Variants in CNNM2 observed in about 807,000 individuals in gnomAD.
The protein encoded by CNNM2 is metal transporter CNNM2.
CNNM2 carries 12 observed loss-of-function variants against 66.9 expected under a neutral mutation model. The ratio of observed to expected loss-of-function variants is 0.18; its 90% CI spans 0.11 to 0.29. The LOEUF (loss-of-function observed/expected upper bound fraction) is 0.29. CNNM2 is among the 10% of genes least tolerant of loss of function. CNNM2 has a pLI of 1.00. For missense variants in CNNM2, 705 were observed against 1,167.7 expected (o/e 0.60, Z 5.77); for synonymous variants, 557 against 501.8 (o/e 1.11, Z -1.47).
At chr10:102,961,069 G>A (rs1401358966) in intron 1 of CNNM2, among the ~76,000 whole-genome samples, 10 of 151,680 alleles carry the variant, frequency 6.6e-5, no homozygotes, top group Non-Finnish European at 8.8e-5. Context: ...GTAGATACGG[G>A]GTTTCACCGT....
At chr10:102,992,517 T>G (rs1197302055) in intron 1 of CNNM2, among the ~76,000 whole-genome samples, 3 of 151,890 alleles carry the variant, frequency 2.0e-5, no homozygotes, top group African/African-American at 7.2e-5. Flanking sequence ...GAAGTGATCC[T>G]CCCACCTCGG....
intron 1 of CNNM2, among the ~76,000 whole-genome samples, chr10:103,020,180 A>T (rs2064544920): frequency 6.6e-6 from 1 of 151,180 alleles, no homozygotes; most frequent in South Asian, 2.1e-4. Context: ...TCTGAGACAG[A>T]GGCTTGCTCT....
chr10:102,990,246 G>A (rs1311289408), intron 1 of CNNM2, among the ~76,000 whole-genome samples: 2 of 152,028 alleles, frequency 1.3e-5, no homozygotes, highest in Admixed American at 6.5e-5. Context: ...GATTACAGGT[G>A]TGAGCCACCG....
intron 1 of CNNM2, among the ~76,000 whole-genome samples, chr10:102,929,872 G>C (rs1409973357): frequency 1.3e-5 from 2 of 152,134 alleles, no homozygotes; most frequent in African/African-American, 4.8e-5. Flanking sequence ...GATCAAAAAA[G>C]ATAAAATATT....
At chr10:103,044,860 CA>C (rs2065102287) in intron 1 of CNNM2, among the ~76,000 whole-genome samples, 1 of 152,210 alleles carries the variant, frequency 6.6e-6, no homozygotes, top group Non-Finnish European at 1.5e-5. Flanking sequence ...GCCTAATTCA[CA>C]GGAATAATTT....
In CNNM2 at chr10:103,084,945, A is replaced by G. The variant is rs2065790045; in HGVS notation, c.*7765A>G. The stretch of plus-strand genomic sequence containing the variant: ...AGTTGAATTCTATTAGGTGGATAAT[A>G]AACTCTTTTGCTTTCTTTGTATGGT... On this transcript the variant is annotated 3_prime_UTR_variant, in exon 8 of 8. Coordinates refer to ENST00000369878, the MANE Select transcript of CNNM2 (RefSeq NM_017649.5). 6.6e-6 allele frequency: 1 copy of G among 152,174 alleles called. No individual in the cohort carries two copies. Among genetic ancestry groups the G allele is most frequent in the African/African-American group, 2.4e-5 (1 of 41,436 alleles). The allele number at this position is 152,174 out of a possible 1,614,324, so 9.4% of individuals were successfully genotyped here.
chr10:103,067,112 T>A (rs985474866), intron 4 of CNNM2, among the ~76,000 whole-genome samples: 10 of 151,802 alleles, frequency 6.6e-5, no homozygotes, highest in African/African-American at 2.4e-4. Flanking sequence ...TTTTTTTTTT[T>A]CTTTGAGACA....
At chr10:102,954,658 G>T (rs1382858680) in intron 1 of CNNM2, among the ~76,000 whole-genome samples, 1 of 152,084 alleles carries the variant, frequency 6.6e-6, no homozygotes, top group Non-Finnish European at 1.5e-5. Flanking sequence ...TGCAATCCAG[G>T]TCCAGGAATT....
chr10:102,958,353 A>G (rs1847124935), intron 1 of CNNM2, among the ~76,000 whole-genome samples: 1 of 150,622 alleles, frequency 6.6e-6, no homozygotes, highest in African/African-American at 2.4e-5. Flanking sequence ...AGTGAATATG[A>G]TTTGAAGTTG....
chr10:103,002,810 T>C (rs915093940), intron 1 of CNNM2, among the ~76,000 whole-genome samples: 3 of 152,086 alleles, frequency 2.0e-5, no homozygotes, highest in Non-Finnish European at 2.9e-5. Context: ...GTGGAGGTAA[T>C]GTGGAATGGT....
At chr10:103,059,765 T>C (rs900167968) in intron 4 of CNNM2, among the ~76,000 whole-genome samples, 1 of 152,120 alleles carries the variant, frequency 6.6e-6, no homozygotes, top group African/African-American at 2.4e-5. Context: ...AAAAAAGTCA[T>C]AGTTTTAAAC....
chr10:103,068,846 TG>T (rs1394410437), intron 5 of CNNM2, 124 bp downstream of exon 5: 10 of 691,606 alleles, frequency 1.4e-5, no homozygotes, highest in East Asian at 1.1e-4. Context: ...ACTTTTTTTT[TG>T]AAGTATATCA....
chr10:102,928,416 A>G (rs1845950100), intron 1 of CNNM2, among the ~76,000 whole-genome samples: 1 of 151,968 alleles, frequency 6.6e-6, no homozygotes, highest in Non-Finnish European at 1.5e-5. Context: ...CCCTGTCTCT[A>G]CTAAAAACAC....
chr10:102,943,633 A>G (rs1846507426), intron 1 of CNNM2, among the ~76,000 whole-genome samples: 1 of 152,228 alleles, frequency 6.6e-6, no homozygotes, highest in South Asian at 2.1e-4. Context: ...CTACTACTGT[A>G]TGGAATCCAG....
intron 1 of CNNM2, among the ~76,000 whole-genome samples, chr10:102,972,593 G>A (rs1445024917): frequency 1.3e-5 from 2 of 152,188 alleles, no homozygotes; most frequent in African/African-American, 2.4e-5. Flanking sequence ...CTGAGATCGC[G>A]CCTCTGCACT....
At chr10:102,992,025 T>C (rs999776805) in intron 1 of CNNM2, among the ~76,000 whole-genome samples, 1 of 152,218 alleles carries the variant, frequency 6.6e-6, no homozygotes, top group Non-Finnish European at 1.5e-5. Context: ...ATTACCTGTA[T>C]GTACTATACA....
chr10:102,996,960 T>A (rs1167208514), intron 1 of CNNM2, among the ~76,000 whole-genome samples: 1 of 152,240 alleles, frequency 6.6e-6, no homozygotes, highest in Non-Finnish European at 1.5e-5. Context: ...TTCTCCAAAC[T>A]GGGCTGACTG....
chr10:103,001,132 G>A (rs1564839907), intron 1 of CNNM2, among the ~76,000 whole-genome samples: 1 of 152,186 alleles, frequency 6.6e-6, no homozygotes, highest in Admixed American at 6.5e-5. Flanking sequence ...ACTTAGATTA[G>A]TCAAAATTAT....
chr10:103,033,970 T>C (rs1308966616), intron 1 of CNNM2, among the ~76,000 whole-genome samples: 1 of 152,148 alleles, frequency 6.6e-6, no homozygotes, highest in East Asian at 1.9e-4. Context: ...AATGCTAGGA[T>C]TTTAGGACAA....
Sources: gnomAD v4.1 joint callset for allele counts (sites outside exome capture counted in the v4.1 genomes callset) on GRCh38, gnomAD v4.1.1 for gene constraint, MANE v1.5 for transcripts, NCBI Gene and HGNC (gene_info 2026-07-23, HGNC 2026-07-21) for gene names.